IL1RAPL2: variants seen among roughly 807,000 people sequenced by gnomAD.
IL1RAPL2 encodes X-linked interleukin-1 receptor accessory protein-like 2.
In IL1RAPL2, 3 loss-of-function variants were observed where a neutral mutation model predicts 44.1. The ratio of observed to expected loss-of-function variants is 0.07; its 90% CI spans 0.03 to 0.18. IL1RAPL2 has a LOEUF of 0.18. IL1RAPL2 is among the 10% of genes least tolerant of loss of function. The pLI is 1.00. For synonymous variants in IL1RAPL2, 181 were observed against 178.8 expected, an observed-to-expected ratio of 1.01 and a Z score of -0.10; for missense variants, 391 against 496.4, an observed-to-expected ratio of 0.79 and a Z score of 2.02.
At position 104,822,849 on chromosome X, in the gene IL1RAPL2, G is replaced by A. The variant is rs762897694; in HGVS notation, c.82+163854G>A. On this transcript the variant is annotated intron_variant, in intron 2 of 10. Transcript: ENST00000372582. ...CTGAATCTATAAATTACTTTGGGCA[G>A]TATGGCCATTTTCACAATATTGATT... Among the ~76,000 whole-genome samples, 4 of 111,527 alleles carry A rather than the reference G, an allele frequency of 3.6e-5. No homozygotes were observed. In the South Asian group the frequency reaches 1.5e-3, roughly 43 times the overall value.
intron 2 of IL1RAPL2, among the ~76,000 whole-genome samples, chrX:104,823,434 AT>A (rs1921363137): frequency 9.1e-6 from 1 of 110,324 alleles, no homozygotes; most frequent in African/African-American, 3.3e-5. Context: ...TGAACTCATC[AT>A]TTTTTATGGC....
At chrX:104,738,464 T>G (rs1048883599) in intron 2 of IL1RAPL2, among the ~76,000 whole-genome samples, 3 of 112,176 alleles carry the variant, frequency 2.7e-5, no homozygotes, top group African/African-American at 9.7e-5. Context: ...ACAACACAGG[T>G]AAACTGAAAT....
chrX:105,588,274 T>C (rs2037143701), intron 6 of IL1RAPL2, among the ~76,000 whole-genome samples: 1 of 111,741 alleles, frequency 8.9e-6, no homozygotes, highest in Non-Finnish European at 1.9e-5. Flanking sequence ...GATCACCGTG[T>C]ATTATTCCTT....
At chrX:105,749,743 C>G (rs2147584584) in intron 9 of IL1RAPL2, among the ~76,000 whole-genome samples, 1 of 111,911 alleles carries the variant, frequency 8.9e-6, no homozygotes, top group South Asian at 3.7e-4. Context: ...ATCGATAAAG[C>G]AGTGTACTGA....
chrX:105,763,000 G>A (rs1379031567), intron 10 of IL1RAPL2, among the ~76,000 whole-genome samples: 1 of 111,119 alleles, frequency 9.0e-6, no homozygotes, highest in Non-Finnish European at 1.9e-5. Context: ...CCCACTGCCT[G>A]TCAGGGACTA....
At chrX:104,835,863 G>A (rs1267776517) in intron 2 of IL1RAPL2, among the ~76,000 whole-genome samples, 2 of 111,697 alleles carry the variant, frequency 1.8e-5, no homozygotes, top group Non-Finnish European at 3.8e-5. Context: ...CTTTGATCTC[G>A]TCTTCTACAG....
intron 2 of IL1RAPL2, among the ~76,000 whole-genome samples, chrX:104,726,017 G>T (rs1931783773): frequency 9.0e-6 from 1 of 111,629 alleles, no homozygotes; most frequent in African/African-American, 3.3e-5. Flanking sequence ...TATGGTTTTA[G>T]GTCTTAGGTT....
chrX:105,756,310 C>G (rs1954840743), intron 10 of IL1RAPL2, among the ~76,000 whole-genome samples: 1 of 111,761 alleles, frequency 8.9e-6, no homozygotes, highest in Non-Finnish European at 1.9e-5. Flanking sequence ...GTACTTATAT[C>G]CTCATGCTGA....
chrX:105,555,312 T>C, intron 6 of IL1RAPL2, among the ~76,000 whole-genome samples: 1 of 111,510 alleles, frequency 9.0e-6, no homozygotes, highest in East Asian at 2.8e-4. Context: ...CCTGCACTGC[T>C]CTGAAGTTCA....
At chrX:105,033,736 C>T (rs962813469) in intron 2 of IL1RAPL2, among the ~76,000 whole-genome samples, 6 of 110,915 alleles carry the variant, frequency 5.4e-5, no homozygotes, top group African/African-American at 2.0e-4. Flanking sequence ...ATGTTTGTGG[C>T]GTTCTCTGTA....
intron 1 of IL1RAPL2, among the ~76,000 whole-genome samples, chrX:104,615,080 TG>T (rs1385317159): frequency 8.9e-6 from 1 of 111,793 alleles, no homozygotes; most frequent in East Asian, 2.8e-4. Flanking sequence ...ATAGGGTCTG[TG>T]GGCTATGTAC....
chrX:104,584,009 G>T (rs1350654168), intron 1 of IL1RAPL2, among the ~76,000 whole-genome samples: 1 of 111,158 alleles, frequency 9.0e-6, no homozygotes, highest in Non-Finnish European at 1.9e-5. Flanking sequence ...GGAGTCCCGG[G>T]TTCCTCAAAG....
At chrX:104,899,713 AC>A (rs1198652589) in intron 2 of IL1RAPL2, among the ~76,000 whole-genome samples, 1 of 111,376 alleles carries the variant, frequency 9.0e-6, no homozygotes, top group Non-Finnish European at 1.9e-5. Context: ...ATCCCCATAA[AC>A]CATTTCTGTG....
intron 2 of IL1RAPL2, among the ~76,000 whole-genome samples, chrX:104,941,137 A>G (rs1251933983): frequency 9.1e-6 from 1 of 110,373 alleles, no homozygotes; most frequent in African/African-American, 3.3e-5. Context: ...AGTCTTTGCT[A>G]TTGTGAATAG....
In IL1RAPL2 at chrX:105,326,385, C is replaced by T. The variant is rs367887999; in HGVS notation, c.697+58844C>T. On this transcript the variant is annotated intron_variant, in intron 5 of 10. Coordinates refer to ENST00000372582, the MANE Select transcript of IL1RAPL2 (RefSeq NM_017416.2). ...CTTCTTTTTTTTTAATGGTAACTTT[C>T]GAAGCACAACAATTTTTGAAAATTT... Among the ~76,000 whole-genome samples the T allele has an allele frequency of 1.7e-4, 19 of 110,728 alleles. No homozygotes were observed. The Middle Eastern group carries it at 0.018, about 107-fold the overall frequency.
intron 2 of IL1RAPL2, among the ~76,000 whole-genome samples, chrX:104,744,625 T>C (rs1489129931): frequency 9.0e-6 from 1 of 111,586 alleles, no homozygotes; most frequent in Non-Finnish European, 1.9e-5. Flanking sequence ...TAGCACAATT[T>C]ATTAATTCAG....
At chrX:105,166,160 G>T (rs1198740583) in intron 2 of IL1RAPL2, among the ~76,000 whole-genome samples, 1 of 111,117 alleles carries the variant, frequency 9.0e-6, no homozygotes, top group Non-Finnish European at 1.9e-5. Context: ...CCTGGCGCAT[G>T]GTAAGCCCAT....
intron 2 of IL1RAPL2, among the ~76,000 whole-genome samples, chrX:104,963,246 T>C (rs1156683773): frequency 8.9e-6 from 1 of 112,039 alleles, no homozygotes; most frequent in African/African-American, 3.2e-5. Flanking sequence ...TATAAAAATA[T>C]ATTGTCTCCA....
chrX:105,058,940 A>C (rs933379592), intron 2 of IL1RAPL2, among the ~76,000 whole-genome samples: 3 of 111,536 alleles, frequency 2.7e-5, no homozygotes, highest in African/African-American at 9.8e-5. Flanking sequence ...GGGTTGGGGC[A>C]GTGACACCTC....
Sources: allele counts gnomAD v4.1 joint callset (sites outside exome capture counted in the v4.1 genomes callset), GRCh38; gene constraint gnomAD v4.1.1; transcripts MANE v1.5; gene names NCBI Gene and HGNC (gene_info 2026-07-23, HGNC 2026-07-21).